The following EZH1 variants were observed in gnomAD, a reference collection of about 807,000 sequenced individuals.
EZH1 encodes the protein enhancer of zeste 1 polycomb repressive complex 2 subunit, also known as histone-lysine N-methyltransferase EZH1.
Under a neutral mutation model 100.5 loss-of-function variants are expected in EZH1, and 33 were observed. The ratio of observed to expected loss-of-function variants is 0.33; its 90% CI spans 0.25 to 0.44. The LOEUF is 0.44. EZH1 is among the 20% of genes least tolerant of loss of function. The pLI is 1.00. For synonymous variants in EZH1, 272 were observed against 313.8 expected (o/e 0.87, Z 1.41); for missense variants, 475 against 928.4 (o/e 0.51, Z 6.35).
At chr17:42,716,494 C>T (rs115914125) in intron 10 of EZH1, among the ~76,000 whole-genome samples, 4,921 of 152,138 alleles carry the variant, frequency 0.032, 267 homozygotes, top group African/African-American at 0.11. Context: ...AAACCTAAAA[C>T]GCAATAAAAG....
At position 42,702,354 on chromosome 17, in the gene EZH1, C is replaced by G; in HGVS notation, c.*178G>C. 2.0e-6 allele frequency: 1 copy of G among 505,208 alleles called. No individual in the cohort carries two copies. Among genetic ancestry groups the G allele is most frequent in the South Asian group, 4.0e-5 (1 of 24,844 alleles). The allele number at this position is 505,208 out of a possible 1,614,324, so 31.3% of individuals were successfully genotyped here. A position where few individuals can be genotyped will look rare whatever the true frequency, so the allele number is the denominator to read the frequency against. On this transcript the variant is annotated 3_prime_UTR_variant, in exon 21 of 21. Transcript: ENST00000428826. ...CAAGCCCTAGCTGCCTCTGTCTCCC[C>G]TCTCATTGAGACAGTTTTGTGCCCT...
rs2054177950 is a variant in EZH1, at chr17:42,741,656, A to G, written c.-103+3355T>C. On this transcript the variant is annotated intron_variant, in intron 1 of 20. Coordinates refer to ENST00000428826, the MANE Select transcript of EZH1 (RefSeq NM_001991.5). ...ATGAAGCCAGGTTTCAGACCCTAGG[A>G]ATTAAAAATAGACAAAATTAATATT... Among the ~76,000 whole-genome samples, 3 of 152,224 alleles carry G rather than the reference A, an allele frequency of 2.0e-5. No individual in the cohort carries two copies. In the South Asian group the frequency reaches 6.2e-4, roughly 31 times the overall value.
chr17:42,710,229 G>A (rs1385269912), intron 12 of EZH1, among the ~76,000 whole-genome samples: 1 of 152,188 alleles, frequency 6.6e-6, no homozygotes, highest in Non-Finnish European at 1.5e-5. Context: ...AGAAGAGTGG[G>A]CTGACTGTGA....
intron 2 of EZH1, among the ~76,000 whole-genome samples, chr17:42,730,017 G>A (rs1374326520): frequency 6.6e-6 from 1 of 151,828 alleles, no homozygotes; most frequent in East Asian, 1.9e-4. Flanking sequence ...CAGCCTGGGC[G>A]ACAGAGCAAG....
intron 10 of EZH1, among the ~76,000 whole-genome samples, chr17:42,715,300 G>A (rs2053581118): frequency 1.4e-5 from 2 of 146,896 alleles, no homozygotes; most frequent in Non-Finnish European, 3.0e-5. Context: ...TTGAGACGAG[G>A]TCTTGCCCTG....
intron 1 of EZH1, among the ~76,000 whole-genome samples, chr17:42,738,522 A>AT (rs1455095073): frequency 8.0e-6 from 1 of 125,290 alleles, no homozygotes; most frequent in Admixed American, 7.7e-5. Context: ...TGCCCAGTCT[A>AT]TTTTTTTTAT....
At chr17:42,726,250 C>A (rs1391462513) in intron 4 of EZH1, among the ~76,000 whole-genome samples, 1 of 132,852 alleles carries the variant, frequency 7.5e-6, no homozygotes, top group Admixed American at 8.5e-5. Context: ...GTCTCGCTGT[C>A]GCCCAGGCTG....
chr17:42,702,436 G>A lies in EZH1; in HGVS notation c.*96C>T. The A allele has an allele frequency of 9.4e-7, 1 of 1,059,512 alleles. No individual in the cohort carries two copies. The highest frequency in any genetic ancestry group is 1.4e-6 in the Non-Finnish European group (1 of 719,366). 65.6% of individuals were successfully genotyped at this position (1,059,512 alleles called of 1,614,324 possible). On this transcript the variant is annotated 3_prime_UTR_variant, in exon 21 of 21. Transcript: ENST00000428826. Reference sequence around the variant, plus strand: ...AGTGGGTTGGGGGGTTTCTCAGTGTGGGAGACACAGTGCAGGAGACTCGAG... The same window carrying A: ...AGTGGGTTGGGGGGTTTCTCAGTGTAGGAGACACAGTGCAGGAGACTCGAG...
chr17:42,711,633 G>A (rs1477045807), intron 12 of EZH1, among the ~76,000 whole-genome samples: 3 of 139,924 alleles, frequency 2.1e-5, no homozygotes, highest in African/African-American at 2.8e-5. Flanking sequence ...GCAACAGAGC[G>A]AGATTCTGTC....
chr17:42,711,102 T>C (rs771688208), intron 12 of EZH1, among the ~76,000 whole-genome samples: 9 of 152,126 alleles, frequency 5.9e-5, no homozygotes, highest in Non-Finnish European at 1.2e-4. Flanking sequence ...TTCCTGTCTT[T>C]TCCTGGGCCA....
chr17:42,735,683 TCAC>T (rs758807315), intron 1 of EZH1, among the ~76,000 whole-genome samples: 1 of 151,958 alleles, frequency 6.6e-6, no homozygotes, highest in Non-Finnish European at 1.5e-5. Context: ...ATAAGACAAA[TCAC>T]CAATAAAAAG....
chr17:42,723,142 C>T (rs562274306), intron 5 of EZH1, among the ~76,000 whole-genome samples: 6 of 152,074 alleles, frequency 3.9e-5, no homozygotes, highest in African/African-American at 1.2e-4. Flanking sequence ...TTTGGGAGGC[C>T]GAGGCAGGCG....
chr17:42,716,915 C>A (rs2053616518), intron 10 of EZH1, among the ~76,000 whole-genome samples: 1 of 152,124 alleles, frequency 6.6e-6, no homozygotes. Flanking sequence ...CCAGGCTGGT[C>A]TCAAACTCCT....
At chr17:42,728,282 T>C (rs1363876338) in intron 3 of EZH1, among the ~76,000 whole-genome samples, 1 of 150,498 alleles carries the variant, frequency 6.6e-6, no homozygotes, top group Non-Finnish European at 1.5e-5. Flanking sequence ...CCCGGCTAAT[T>C]TTTGTATTTT....
chr17:42,737,772 A>C (rs1454827038), intron 1 of EZH1, among the ~76,000 whole-genome samples: 1 of 152,250 alleles, frequency 6.6e-6, no homozygotes, highest in Non-Finnish European at 1.5e-5. Flanking sequence ...AAAATGTAGC[A>C]ATCTTTCCCC....
chr17:42,718,989 G>C lies in EZH1; in HGVS notation c.767+116C>G. ...GTAAGCAAGAAATAATCAAATTGCG[G>C]GCAAATCATAATGCCCTTACCATAA... On this transcript the variant is annotated intron_variant, in intron 8 of 20. Coordinates refer to ENST00000428826, the MANE Select transcript of EZH1 (RefSeq NM_001991.5). This position sits in a 1 kb window ranked among gnomAD's most constrained non-coding sequence, Gnocchi z 4.2. 3.9e-6 allele frequency: 3 copies of C among 760,426 alleles called. No individual in the cohort carries two copies. The South Asian group carries it at 4.9e-5, about 12-fold the overall frequency. The allele number at this position is 760,426 out of a possible 1,614,324, so 47.1% of individuals were successfully genotyped here. A position where few individuals can be genotyped will look rare whatever the true frequency, so the allele number is the denominator to read the frequency against.
chr17:42,711,811 A>G (rs545939118), intron 12 of EZH1, among the ~76,000 whole-genome samples: 1 of 152,196 alleles, frequency 6.6e-6, no homozygotes, highest in South Asian at 2.1e-4. Context: ...ACCCTGTCTC[A>G]AAGACAAAAT....
chr17:42,740,324 C>A (rs1350962176), intron 1 of EZH1, among the ~76,000 whole-genome samples: 2 of 151,814 alleles, frequency 1.3e-5, no homozygotes, highest in African/African-American at 4.8e-5. Context: ...ACTGCAACCT[C>A]CGCCTCCCGG....
chr17:42,709,987 G>T, intron 12 of EZH1, 50 bp from the exon 13 acceptor site: 2 of 1,548,460 alleles, frequency 1.3e-6, no homozygotes, highest in South Asian at 1.1e-5. Context: ...AGGGGGTCAG[G>T]TAAGTGGCCC....
Sources: allele counts gnomAD v4.1 joint callset (sites outside exome capture counted in the v4.1 genomes callset), GRCh38; gene constraint gnomAD v4.1.1; non-coding constraint Gnocchi (gnomAD v3.1); transcripts MANE v1.5; gene names NCBI Gene and HGNC (gene_info 2026-07-23, HGNC 2026-07-21).